Variants in CSMD1 observed in about 807,000 individuals in gnomAD.
The protein encoded by CSMD1 is CUB and sushi domain-containing protein 1.
Under a neutral mutation model 417.5 loss-of-function variants are expected in CSMD1, and 213 were observed. The ratio of observed to expected loss-of-function variants is 0.51; its 90% CI spans 0.46 to 0.57. The LOEUF is 0.57. CSMD1 is among the 20% of genes least tolerant of loss of function. The probability of loss-of-function intolerance (pLI) is 0.00; values close to 1 mark genes in which losing one functional copy is unlikely to be tolerated. For synonymous variants in CSMD1, 2,862 were observed against 1,736.8 expected (o/e 1.65, Z -16.11); for missense variants, 6,923 against 4,529.7 (o/e 1.53, Z -15.17).
intron 3 of CSMD1, among the ~76,000 whole-genome samples, chr8:4,083,027 G>C (rs187864813): frequency 0.019 from 2,896 of 151,798 alleles, 39 homozygotes; most frequent in Non-Finnish European, 0.027. Context: ...TTGGACATTT[G>C]GGTTTGTTCC....
At position 3,255,651 on chromosome 8, in the gene CSMD1, G is replaced by A. The variant is rs113028014; in HGVS notation, c.4154-25420C>T. ...TAGCAATGAGCAAGGCTCTGTGGGC[G>A]TAGGACCCTCTGAGCCATGCACGGG... On this transcript the variant is annotated intron_variant, in intron 26 of 69. Transcript: ENST00000635120. Among the ~76,000 whole-genome samples the A allele has an allele frequency of 2.9e-3, 441 of 152,346 alleles. 2 individuals carry two copies. Among genetic ancestry groups the A allele is most frequent in the African/African-American group, 0.01 (418 of 41,582 alleles).
intron 1 of CSMD1, among the ~76,000 whole-genome samples, chr8:4,647,823 G>A (rs1028019471): frequency 1.3e-5 from 2 of 152,170 alleles, no homozygotes; most frequent in African/African-American, 4.8e-5. Flanking sequence ...TCACTGATGG[G>A]CGTTTGGGTT....
chr8:3,762,017 C>T (rs1054529225), intron 5 of CSMD1, among the ~76,000 whole-genome samples: 4 of 152,084 alleles, frequency 2.6e-5, no homozygotes, highest in East Asian at 3.9e-4. Context: ...CTAGCCACGG[C>T]CTTTAGCTTT....
At position 3,802,470 on chromosome 8, in the gene CSMD1, G is replaced by A. The variant is rs563084801; in HGVS notation, c.819-48428C>T. ...TTAAATTTGTCAGCCTGATACATAAGTATCAACTTCATTCATGTGAAATTG... is the reference window on the plus strand; with the variant it reads ...TTAAATTTGTCAGCCTGATACATAAATATCAACTTCATTCATGTGAAATTG... On this transcript the variant is annotated intron_variant, in intron 5 of 69. Coordinates refer to ENST00000635120, the MANE Select transcript of CSMD1 (RefSeq NM_033225.6). Among the ~76,000 whole-genome samples the A allele has an allele frequency of 1.3e-4, 20 of 152,200 alleles. No individual in the cohort carries two copies. In the South Asian group the frequency reaches 4.1e-3, roughly 32 times the overall value.
intron 3 of CSMD1, among the ~76,000 whole-genome samples, chr8:4,392,998 T>G (rs1393552042): frequency 2.0e-5 from 3 of 151,922 alleles, no homozygotes; most frequent in East Asian, 3.9e-4. Context: ...AAAAGAGAGA[T>G]GGAGTGTCAC....
intron 7 of CSMD1, among the ~76,000 whole-genome samples, chr8:3,626,186 C>T (rs1012411231): frequency 4.6e-5 from 7 of 152,172 alleles, no homozygotes; most frequent in South Asian, 2.1e-4. Context: ...GGCTGGCTCC[C>T]GCAAATGCAG....
intron 33 of CSMD1, among the ~76,000 whole-genome samples, chr8:3,196,972 C>T (rs73660607): frequency 0.022 from 3,297 of 152,278 alleles, 109 homozygotes; most frequent in African/African-American, 0.075. Flanking sequence ...CTCTGGGGCA[C>T]CCCATGATGT....
At chr8:4,705,270 T>G (rs777589726) in intron 1 of CSMD1, among the ~76,000 whole-genome samples, 25 of 152,266 alleles carry the variant, frequency 1.6e-4, no homozygotes, top group African/African-American at 6.0e-4. Context: ...TTTATAGCAG[T>G]GTGAAAATTG....
intron 5 of CSMD1, among the ~76,000 whole-genome samples, chr8:3,803,827 C>T (rs563739173): frequency 6.6e-6 from 1 of 152,262 alleles, no homozygotes; most frequent in Admixed American, 6.5e-5. Context: ...CCACTGTAGA[C>T]ACCTTAATAA....
chr8:3,636,693 C>A (rs965229313), intron 7 of CSMD1, among the ~76,000 whole-genome samples: 1 of 152,192 alleles, frequency 6.6e-6, no homozygotes, highest in Non-Finnish European at 1.5e-5. Flanking sequence ...AGAGGTGAAG[C>A]CTGGAGCCAC....
intron 4 of CSMD1, among the ~76,000 whole-genome samples, chr8:4,003,442 A>T (rs766069256): frequency 6.6e-6 from 1 of 152,104 alleles, no homozygotes; most frequent in Non-Finnish European, 1.5e-5. Flanking sequence ...AAATAAATAG[A>T]TAAGTAAATA....
chr8:3,820,604 C>G (rs766834464), intron 5 of CSMD1, among the ~76,000 whole-genome samples: 18 of 152,164 alleles, frequency 1.2e-4, no homozygotes, highest in Non-Finnish European at 5.9e-5. Flanking sequence ...GAGATGGAGT[C>G]TTGCTCTCTT....
chr8:3,853,369 T>G (rs1055422041), intron 5 of CSMD1, among the ~76,000 whole-genome samples: 2 of 152,194 alleles, frequency 1.3e-5, no homozygotes, highest in African/African-American at 4.8e-5. Context: ...AAAGGTATTG[T>G]TATGTAATGT....
chr8:3,575,279 C>G (rs1461545339), intron 9 of CSMD1, among the ~76,000 whole-genome samples: 2 of 152,056 alleles, frequency 1.3e-5, no homozygotes, highest in African/African-American at 2.4e-5. Context: ...CAGTGTTACG[C>G]TGGGACACTT....
intron 3 of CSMD1, among the ~76,000 whole-genome samples, chr8:4,145,794 T>C (rs1804076854): frequency 6.6e-6 from 1 of 151,018 alleles, no homozygotes; most frequent in Non-Finnish European, 1.5e-5. Flanking sequence ...CATGAAGAGT[T>C]TTTCTGTATG....
chr8:3,367,328 A>C, intron 19 of CSMD1, 81 bp from the exon 20 acceptor site: 1 of 838,128 alleles, frequency 1.2e-6, no homozygotes, highest in Non-Finnish European at 1.9e-6. Context: ...AGCGGGGCAG[A>C]GAGAGACAGA....
intron 3 of CSMD1, among the ~76,000 whole-genome samples, chr8:4,069,763 A>C (rs1799449115): frequency 6.6e-6 from 1 of 152,116 alleles, no homozygotes; most frequent in African/African-American, 2.4e-5. Flanking sequence ...CTTCACCTTT[A>C]TCTTCCAAAC....
chr8:4,526,855 A>G (rs1314531715), intron 2 of CSMD1, among the ~76,000 whole-genome samples: 1 of 152,120 alleles, frequency 6.6e-6, no homozygotes, highest in Non-Finnish European at 1.5e-5. Context: ...TCCCCCCAAG[A>G]AGACATAGGA....
intron 2 of CSMD1, among the ~76,000 whole-genome samples, chr8:4,461,125 T>G (rs1267397881): frequency 6.7e-6 from 1 of 148,958 alleles, no homozygotes; most frequent in Non-Finnish European, 1.5e-5. Context: ...TCTAACACTG[T>G]GCCATAACAA....
Sources: gnomAD v4.1 joint callset for allele counts (sites outside exome capture counted in the v4.1 genomes callset) on GRCh38, gnomAD v4.1.1 for gene constraint, MANE v1.5 for transcripts, NCBI Gene and HGNC (gene_info 2026-07-23, HGNC 2026-07-21) for gene names.